The following TMEM132B variants were observed in gnomAD, a reference collection of about 807,000 sequenced individuals.
TMEM132B encodes transmembrane protein 132B.
In TMEM132B, 18 loss-of-function variants were observed where a neutral mutation model predicts 90.8. That is an observed-to-expected ratio of 0.20 (90% CI 0.14 to 0.29). The LOEUF (loss-of-function observed/expected upper bound fraction) is 0.29. Among genes scored for constraint, TMEM132B ranks in the 10% least tolerant of loss-of-function variants. The pLI is 1.00. For missense variants in TMEM132B, 1,096 were observed against 1,326.8 expected, an observed-to-expected ratio of 0.83 and a Z score of 2.70; for synonymous variants, 504 against 523.3, an observed-to-expected ratio of 0.96 and a Z score of 0.50.
At chr12:125,256,298 G>A (rs1593058009) in intron 1 of TMEM132B, among the ~76,000 whole-genome samples, 1 of 152,170 alleles carries the variant, frequency 6.6e-6, no homozygotes, top group Non-Finnish European at 1.5e-5. Context: ...ATACAGCCTC[G>A]CTGAGGGCAA....
At chr12:125,330,266 G>A (rs1440652536) in intron 1 of TMEM132B, among the ~76,000 whole-genome samples, 1 of 151,894 alleles carries the variant, frequency 6.6e-6, no homozygotes, top group African/African-American at 2.4e-5. Flanking sequence ...ATCCTGGTTT[G>A]GGTTTGTGTG....
chr12:125,351,679 G>A (rs1361055721), intron 2 of TMEM132B, among the ~76,000 whole-genome samples: 1 of 152,184 alleles, frequency 6.6e-6, no homozygotes, highest in Non-Finnish European at 1.5e-5. Context: ...GGAGAATAAG[G>A]GAAGAAGTTA....
chr12:125,332,583 CTTTTTTTTTTTTTTTTT>C (rs201828438), intron 1 of TMEM132B, among the ~76,000 whole-genome samples: 85 of 52,420 alleles, frequency 1.6e-3, no homozygotes, highest in African/African-American at 2.4e-3. Context: ...AGAGAGTTGG[CTTTTTTTTTTTTTTTTT>C]TTTTTTTTTT....
chr12:125,210,163 G>C (rs1873288061), intron 1 of TMEM132B, among the ~76,000 whole-genome samples: 1 of 152,210 alleles, frequency 6.6e-6, no homozygotes, highest in Admixed American at 6.5e-5. Flanking sequence ...AGCAAGAAGT[G>C]AGGTTGGGTG....
In TMEM132B at chr12:125,474,275, C is replaced by T. The variant is rs60363021; in HGVS notation, c.1107-45164C>T. ...CCTTCTTTCTCCCCTCCCCTCCCTC[C>T]CCTCCCCTCCCCTTCCCTTCCCTCT... On this transcript the variant is annotated intron_variant, in intron 3 of 8. Transcript: ENST00000682704. Among the ~76,000 whole-genome samples the T allele has an allele frequency of 7.0e-3, 982 of 139,952 alleles. 10 individuals are homozygous for T. Among genetic ancestry groups the T allele is most frequent in the African/African-American group, 0.026 (923 of 35,328 alleles). The allele number at this position is 139,952 out of a possible 152,430, so 91.8% of individuals were successfully genotyped here. A position where few individuals can be genotyped will look rare whatever the true frequency, so the allele number is the denominator to read the frequency against.
intron 5 of TMEM132B, among the ~76,000 whole-genome samples, chr12:125,606,695 T>A (rs1322312599): frequency 6.6e-6 from 1 of 152,198 alleles, no homozygotes; most frequent in Non-Finnish European, 1.5e-5. Context: ...CTGCTACCCA[T>A]CAGAAGTGGG....
At chr12:125,234,584 G>A (rs574456213) in intron 1 of TMEM132B, among the ~76,000 whole-genome samples, 1 of 152,302 alleles carries the variant, frequency 6.6e-6, no homozygotes, top group African/African-American at 2.4e-5. Context: ...GGTCCCTTCA[G>A]GTTCTGAGCC....
chr12:125,601,791 A>G (rs1003346815), intron 5 of TMEM132B, among the ~76,000 whole-genome samples: 5 of 152,166 alleles, frequency 3.3e-5, no homozygotes, highest in African/African-American at 1.2e-4. Context: ...ATCACCACTG[A>G]CCCCACAGAA....
intron 5 of TMEM132B, among the ~76,000 whole-genome samples, chr12:125,640,715 C>G (rs904008816): frequency 1.3e-5 from 2 of 152,016 alleles, no homozygotes; most frequent in Non-Finnish European, 2.9e-5. Context: ...AGAGGCGGTC[C>G]CTTTCTCTAT....
chr12:125,433,594 T>A (rs1880608002), intron 3 of TMEM132B, among the ~76,000 whole-genome samples: 1 of 151,214 alleles, frequency 6.6e-6, no homozygotes, highest in African/African-American at 2.4e-5. Context: ...TATGTATACA[T>A]GTGCCATGCT....
intron 3 of TMEM132B, among the ~76,000 whole-genome samples, chr12:125,486,457 A>C (rs1882207831): frequency 6.6e-6 from 1 of 152,178 alleles, no homozygotes; most frequent in Non-Finnish European, 1.5e-5. Flanking sequence ...CAAGAGACAT[A>C]TTTTTGAGAT....
intron 3 of TMEM132B, among the ~76,000 whole-genome samples, chr12:125,462,252 G>A (rs1566043620): frequency 6.6e-6 from 1 of 152,306 alleles, no homozygotes; most frequent in East Asian, 1.9e-4. Flanking sequence ...CCTTTAGAAT[G>A]TATGAACCAG....
intron 3 of TMEM132B, among the ~76,000 whole-genome samples, chr12:125,505,179 A>AAAC (rs1555254101): frequency 2.1e-5 from 3 of 140,828 alleles, no homozygotes; most frequent in Non-Finnish European, 3.0e-5. Context: ...AAAAAAAAAA[A>AAAC]AAAAAAAAAA....
chr12:125,452,262 G>A (rs1478398269), intron 3 of TMEM132B, among the ~76,000 whole-genome samples: 1 of 152,094 alleles, frequency 6.6e-6, no homozygotes, highest in Non-Finnish European at 1.5e-5. Flanking sequence ...TCCCCAGCAG[G>A]AGAATTTCTT....
At chr12:125,641,122 C>A (rs962656813) in intron 5 of TMEM132B, among the ~76,000 whole-genome samples, 2 of 152,152 alleles carry the variant, frequency 1.3e-5, no homozygotes, top group African/African-American at 4.8e-5. Flanking sequence ...TGCTCCACTG[C>A]CCCCTATATT....
intron 5 of TMEM132B, among the ~76,000 whole-genome samples, chr12:125,607,768 A>G (rs1008718111): frequency 1.3e-5 from 2 of 152,076 alleles, no homozygotes; most frequent in African/African-American, 4.8e-5. Context: ...ATTTTCTCCA[A>G]CCCTTCCCAG....
intron 3 of TMEM132B, among the ~76,000 whole-genome samples, chr12:125,502,733 G>A (rs1197947241): frequency 8.5e-5 from 13 of 152,276 alleles, no homozygotes; most frequent in South Asian, 2.1e-4. Flanking sequence ...AAGAGCTCAC[G>A]GTTGATCCCA....
At chr12:125,558,315 T>C (rs1884442147) in intron 4 of TMEM132B, among the ~76,000 whole-genome samples, 1 of 152,166 alleles carries the variant, frequency 6.6e-6, no homozygotes, top group African/African-American at 2.4e-5. Flanking sequence ...CAGTTCTACT[T>C]TGAAGAACTT....
In TMEM132B at chr12:125,609,816, C is replaced by CAAAAAA. The variant is rs763840695; in HGVS notation, c.1437+25846_1437+25851dup. 1.6e-3 allele frequency among the ~76,000 whole-genome samples: 63 copies of CAAAAAA among 39,438 alleles called. 6 individuals are homozygous for CAAAAAA. The highest frequency in any genetic ancestry group is 5.9e-3 in the African/African-American group (60 of 10,218). 25.9% of individuals were successfully genotyped at this position (39,438 alleles called of 152,430 possible). A position where few individuals can be genotyped will look rare whatever the true frequency, so the allele number is the denominator to read the frequency against. ...TGGGCGACAGAGTGAGACTCTGTCT[C>CAAAAAA]AAAAAAAAAAAAAAAAAAAAAAAAA... On this transcript the variant is annotated intron_variant, in intron 5 of 8. Transcript: ENST00000682704.
Sources: gnomAD v4.1 joint callset for allele counts (sites outside exome capture counted in the v4.1 genomes callset) on GRCh38, gnomAD v4.1.1 for gene constraint, MANE v1.5 for transcripts, NCBI Gene and HGNC (gene_info 2026-07-23, HGNC 2026-07-21) for gene names.